Variants in PXDN observed in about 807,000 individuals in gnomAD.
The protein encoded by PXDN is peroxidasin homolog.
In PXDN, 77 loss-of-function variants were observed where a neutral mutation model predicts 140.3. That is an observed-to-expected ratio of 0.55 (90% confidence interval 0.46 to 0.66). PXDN has a LOEUF of 0.66. Among genes scored for constraint, PXDN ranks in the 30% least tolerant of loss-of-function variants. The pLI, the probability that PXDN is intolerant of heterozygous loss-of-function variation, is 0.00. For synonymous variants in PXDN, 911 were observed against 857.4 expected, an observed-to-expected ratio of 1.06 and a Z score of -1.09; for missense variants, 1,838 against 2,039.5, an observed-to-expected ratio of 0.90 and a Z score of 1.90.
chr2:1,705,597 C>T (rs563745589), intron 1 of PXDN, among the ~76,000 whole-genome samples: 1 of 147,794 alleles, frequency 6.8e-6, no homozygotes, highest in East Asian at 2.0e-4. Context: ...ACGCAGGGTG[C>T]AGGGTGCGGC....
In PXDN at chr2:1,680,186, C is replaced by G; in HGVS notation, c.730+7G>C. ...TGTGGATGGTGTGTGCGTGTCGGGCCACTCACCACAGTTCAGCTCTTCCGG... is the reference window on the plus strand; with the variant it reads ...TGTGGATGGTGTGTGCGTGTCGGGCGACTCACCACAGTTCAGCTCTTCCGG... On this transcript the variant is annotated splice_region_variant and intron_variant, in intron 7 of 22. Transcript: ENST00000252804. 6.4e-7 allele frequency: 1 copy of G among 1,552,894 alleles called. No individual in the cohort carries two copies. Among genetic ancestry groups the G allele is most frequent in the Non-Finnish European group, 8.7e-7 (1 of 1,146,890 alleles).
In PXDN at chr2:1,649,595, C is replaced by G. The variant is rs772354996; in HGVS notation, c.2185G>C (p.Val729Leu). The change falls in exon 17 of 23, where the codon GTG becomes CTG. Residue 729 changes from valine (V) to leucine (L), a missense_variant. By Grantham distance (32) the Val-to-Leu change is conservative. Around this residue, in one of 5 missense-constraint regions of PXDN, gnomAD observed 537 missense variants for 583.9 expected, o/e 0.92. Transcript: ENST00000252804. This position sits in a 1 kb window ranked among gnomAD's most constrained non-coding sequence, Gnocchi z 7.1. ...NLSGCTAHRR[V>L]NNCSDMCFHQ... ...AAGCACATGTCCGAGCAGTTGTTCA[C>G]GCGCCGGTGGGCGGTACAGCCCGAC... 13 of 1,614,036 alleles carry G rather than the reference C, an allele frequency of 8.1e-6. No individual in the cohort carries two copies. Among genetic ancestry groups the G allele is most frequent in the Non-Finnish European group, 1.1e-5 (13 of 1,179,894 alleles).
At chr2:1,672,860 A>T (rs1190460290) in intron 9 of PXDN, among the ~76,000 whole-genome samples, 3 of 152,218 alleles carry the variant, frequency 2.0e-5, no homozygotes, top group Non-Finnish European at 4.4e-5. Flanking sequence ...GCTGAAGCTA[A>T]AGGCAGCCAG....
rs762729628 is a variant in PXDN at position 1,648,241 on chromosome 2, G to A, written c.3539C>T (p.Ser1180Leu). ...CAGGTCCTCGAACGTGTGTGCCGCC[G>A]ATAGATTGCAGTAGACCCTGTAGTC... ...YHDYRVYCNL[S>L]AAHTFEDLKN... Residue 1180 changes from serine (S) to leucine (L), a missense_variant, in exon 17 of 23, where the codon TCG (serine) becomes TTG (leucine). Ser to Leu is a moderately radical substitution (Grantham distance 145, BLOSUM62 -2). Transcript: ENST00000252804. The surrounding 1 kb of genome is among the most constrained non-coding windows in gnomAD (Gnocchi z 8.9). 36 of 1,613,908 alleles carry A rather than the reference G, an allele frequency of 2.2e-5. No individual in the cohort carries two copies. The East Asian group carries it at 4.0e-4, about 18-fold the overall frequency.
intron 1 of PXDN, among the ~76,000 whole-genome samples, chr2:1,720,813 A>G (rs1389647346): frequency 2.6e-5 from 4 of 151,720 alleles, no homozygotes; most frequent in Non-Finnish European, 5.9e-5. Context: ...AGTGTTCGCA[A>G]TGTGTGTCAC....
At chr2:1,734,470 AATG>A (rs1685385902) in intron 1 of PXDN, among the ~76,000 whole-genome samples, 1 of 152,160 alleles carries the variant, frequency 6.6e-6, no homozygotes, top group African/African-American at 2.4e-5. Flanking sequence ...ATAAGACAAC[AATG>A]ATGTTTGCCA....
chr2:1,729,710 AT>A (rs1558530064), intron 1 of PXDN, among the ~76,000 whole-genome samples: 2 of 152,126 alleles, frequency 1.3e-5, no homozygotes, highest in African/African-American at 4.8e-5. Context: ...ATCTACTGAA[AT>A]TTTTTTTAAA....
rs751261227 is a variant in PXDN, at chr2:1,648,585, G to C, written c.3195C>G (p.Phe1065Leu). 6.2e-7 allele frequency: 1 copy of C among 1,610,608 alleles called. No homozygotes were observed. Among genetic ancestry groups the C allele is most frequent in the South Asian group, 1.1e-5 (1 of 90,882 alleles). Residue 1065 changes from phenylalanine (F) to leucine (L), a missense_variant, in exon 17 of 23, where the codon TTC (phenylalanine) becomes TTG (leucine). Physicochemically the swap from Phe to Leu is conservative, Grantham distance 22. Transcript: ENST00000252804. The surrounding 1 kb of genome is among the most constrained non-coding windows in gnomAD (Gnocchi z 8.9). ...PGINAGIFNA[F>L]ATAAFRFGHT... ...GGCCAAACCTGAAGGCCGCGGTGGC[G>C]AAGGCGTTGAAGATGCCAGCATTGA...
intron 17 of PXDN, chr2:1,645,868 C>T (rs1402452895): frequency 1.3e-5 from 2 of 152,344 alleles, no homozygotes; most frequent in African/African-American, 4.8e-5. Context: ...TTCTGTCCCC[C>T]ACCGCTGGGA....
In PXDN at chr2:1,639,327, T is replaced by C. The variant is rs1432505130; in HGVS notation, c.4048A>G (p.Lys1350Glu). Residue 1350 changes from lysine to glutamate, a missense_variant, in exon 20 of 23, where the codon AAA becomes GAA. Coordinates refer to ENST00000252804, the MANE Select transcript of PXDN (RefSeq NM_012293.3). The surrounding 1 kb of genome is among the most constrained non-coding windows in gnomAD (Gnocchi z 5.0). The part of the protein sequence containing the change: ...FSYQEDKPTK[K>E]TRPRKIPSVG... ...CTGGGTATTTTCCGTGGTCTTGTTT[T>C]CTTGGTCGGCTTGTCCTCCTGGTAG... 4 of 1,613,904 alleles carry C rather than the reference T, an allele frequency of 2.5e-6. No homozygotes were observed. The highest frequency in any genetic ancestry group is 2.2e-5 in the South Asian group (2 of 91,050).
At chr2:1,673,222 T>C (rs561042492) in intron 9 of PXDN, among the ~76,000 whole-genome samples, 1 of 152,316 alleles carries the variant, frequency 6.6e-6, no homozygotes, top group South Asian at 2.1e-4. Context: ...GATAAAAATC[T>C]AGATTTGTGG....
At position 1,666,412 on chromosome 2, in the gene PXDN, C is replaced by T. The variant is rs935054476; in HGVS notation, c.1093G>A (p.Ala365Thr). The T allele has an allele frequency of 9.3e-6, 15 of 1,613,662 alleles. 1 individual carries two copies. Among genetic ancestry groups the T allele is most frequent in the African/African-American group, 4.0e-5 (3 of 74,948 alleles). Reference sequence around the variant, plus strand: ...ATCCGCGGCGGGGGGTGGCCTGTGGCGCTGCACTCCAGCGTGACGCTCTCC... The same window carrying T: ...ATCCGCGGCGGGGGGTGGCCTGTGGTGCTGCACTCCAGCGTGACGCTCTCC... ...VGESVTLECS[A>T]TGHPPPRISW... Residue 365 changes from alanine to threonine, a missense_variant, in exon 10 of 23, where the codon GCC becomes ACC. Ala to Thr is a moderately conservative substitution (Grantham distance 58). Transcript: ENST00000252804.
chr2:1,706,070 T>G (rs574025935), intron 1 of PXDN, among the ~76,000 whole-genome samples: 8 of 152,142 alleles, frequency 5.3e-5, no homozygotes, highest in Non-Finnish European at 8.8e-5. Flanking sequence ...GAGCGAGAAC[T>G]TGGATCCGAC....
chr2:1,737,086 G>A (rs1038210068), intron 1 of PXDN, among the ~76,000 whole-genome samples: 1 of 152,198 alleles, frequency 6.6e-6, no homozygotes, highest in Non-Finnish European at 1.5e-5. Context: ...CTGCTCAGAC[G>A]TGCAGGGCAT....
intron 5 of PXDN, 110 bp downstream of exon 5, chr2:1,683,970 T>C (rs892436163): frequency 8.8e-7 from 1 of 1,134,802 alleles, no homozygotes; most frequent in Non-Finnish European, 1.3e-6. Flanking sequence ...ATGGATTTTA[T>C]ATTGAAACAG....
intron 1 of PXDN, among the ~76,000 whole-genome samples, chr2:1,719,017 G>T (rs979163799): frequency 4.6e-5 from 7 of 152,266 alleles, no homozygotes; most frequent in Non-Finnish European, 1.0e-4. Context: ...GCCACGCAAG[G>T]TCCCTGCAAA....
At chr2:1,699,296 G>T (rs987177822) in intron 1 of PXDN, among the ~76,000 whole-genome samples, 1 of 152,160 alleles carries the variant, frequency 6.6e-6, no homozygotes, top group African/African-American at 2.4e-5. Context: ...GGTCACTAAA[G>T]ATTATGTTAT....
At position 1,744,476 on chromosome 2, in the gene PXDN, G is replaced by C; in HGVS notation, c.-21C>G. 2.8e-6 allele frequency: 4 copies of C among 1,430,772 alleles called. No individual in the cohort carries two copies. The highest frequency in any genetic ancestry group is 3.6e-6 in the Non-Finnish European group (4 of 1,100,878). The allele number at this position is 1,430,772 out of a possible 1,614,324, so 88.6% of individuals were successfully genotyped here. A position where few individuals can be genotyped will look rare whatever the true frequency, so the allele number is the denominator to read the frequency against. On this transcript the variant is annotated 5_prime_UTR_variant, in exon 1 of 23. Coordinates refer to ENST00000252804, the MANE Select transcript of PXDN (RefSeq NM_012293.3). ...GCCATGGCCGACGGCGCGGACGGAC[G>C]CTCGGACGCACGGAGCCACCACGGC...
chr2:1,682,990 A>T (rs1365973958), intron 6 of PXDN, among the ~76,000 whole-genome samples: 1 of 152,162 alleles, frequency 6.6e-6, no homozygotes, highest in African/African-American at 2.4e-5. Context: ...AAAGACACAG[A>T]ATATAGCACA....
Sources: gnomAD v4.1 joint callset for allele counts (sites outside exome capture counted in the v4.1 genomes callset) on GRCh38, gnomAD v4.1.1 for gene constraint, gnomAD v4.1.1 regional missense constraint, Gnocchi (gnomAD v3.1) non-coding constraint, MANE v1.5 for transcripts, NCBI Gene and HGNC (gene_info 2026-07-23, HGNC 2026-07-21) for gene names.